Variants in SLC14A2 observed in about 807,000 individuals in gnomAD.
The protein encoded by SLC14A2 is urea transporter 2.
In SLC14A2, 91 loss-of-function variants were observed where a neutral mutation model predicts 104.6. That is an observed-to-expected ratio of 0.87 (90% CI 0.73 to 1.04). The LOEUF (loss-of-function observed/expected upper bound fraction) is 1.04. Ranked by LOEUF, SLC14A2 falls within the 50% of genes least tolerant of loss-of-function variation. SLC14A2 has a pLI of 0.00. For missense variants in SLC14A2, 1,189 were observed against 1,156.0 expected (o/e 1.03, Z -0.41); for synonymous variants, 476 against 466.4 (o/e 1.02, Z -0.27).
At chr18:45,334,619 T>C (rs2085320926) in intron 1 of SLC14A2, among the ~76,000 whole-genome samples, 1 of 152,218 alleles carries the variant, frequency 6.6e-6, no homozygotes, top group Non-Finnish European at 1.5e-5. Context: ...ACATTCTAGA[T>C]GACCCCTCAC....
chr18:45,350,230 G>A (rs1332234290), intron 1 of SLC14A2, among the ~76,000 whole-genome samples: 2 of 152,208 alleles, frequency 1.3e-5, no homozygotes, highest in African/African-American at 4.8e-5. Context: ...TTTCACCAAA[G>A]TGAATAAATG....
At chr18:45,672,815 G>A (rs2046163127) in intron 16 of SLC14A2, 85 bp from the exon 17 acceptor site, 2 of 1,250,272 alleles carry the variant, frequency 1.6e-6, no homozygotes, top group East Asian at 2.4e-5. Flanking sequence ...TTAGTGGGAA[G>A]GGTTCAGTGC....
chr18:45,309,043 T>G (rs1157499858), intron 1 of SLC14A2, among the ~76,000 whole-genome samples: 2 of 152,168 alleles, frequency 1.3e-5, no homozygotes, highest in African/African-American at 4.8e-5. Flanking sequence ...ATCTGACAGG[T>G]AGAGTTCACC....
chr18:45,648,217 T>A (rs1442060499), intron 10 of SLC14A2, among the ~76,000 whole-genome samples: 1 of 95,892 alleles, frequency 1.0e-5, no homozygotes, highest in Admixed American at 1.1e-4. Context: ...TTTTTTTTTT[T>A]TTTTTTGAGA....
At chr18:45,323,395 C>T (rs192303644) in intron 1 of SLC14A2, among the ~76,000 whole-genome samples, 4 of 152,296 alleles carry the variant, frequency 2.6e-5, no homozygotes, top group African/African-American at 9.6e-5. Flanking sequence ...TCTCAGCCAG[C>T]TATATCCTCC....
At chr18:45,396,808 C>T (rs1056877510) in intron 1 of SLC14A2, among the ~76,000 whole-genome samples, 2 of 151,900 alleles carry the variant, frequency 1.3e-5, no homozygotes, top group Non-Finnish European at 2.9e-5. Flanking sequence ...TTTTCTGCTC[C>T]TCCCCTTCCT....
chr18:45,479,575 G>T (rs2087452905), intron 1 of SLC14A2, among the ~76,000 whole-genome samples: 1 of 152,156 alleles, frequency 6.6e-6, no homozygotes, highest in Non-Finnish European at 1.5e-5. Flanking sequence ...CCAAGTTAGA[G>T]TACCTAGCAC....
intron 2 of SLC14A2, among the ~76,000 whole-genome samples, chr18:45,500,174 T>A (rs577636431): frequency 6.6e-6 from 1 of 152,310 alleles, no homozygotes; most frequent in Non-Finnish European, 1.5e-5. Flanking sequence ...GTAGAAATAA[T>A]CACTCCTCCT....
intron 1 of SLC14A2, among the ~76,000 whole-genome samples, chr18:45,340,578 A>C (rs1399095163): frequency 2.0e-5 from 3 of 152,214 alleles, no homozygotes; most frequent in Non-Finnish European, 1.5e-5. Flanking sequence ...TAAGTAATTC[A>C]AGGTATATTT....
At chr18:45,200,701 A>G in the SLC14A2 span, among the ~76,000 whole-genome samples, 1 of 152,150 alleles carries the variant, frequency 6.6e-6, no homozygotes, top group African/African-American at 2.4e-5. Context: ...GTTGAATGCC[A>G]TTGTTTTCAT....
At chr18:45,416,412 C>T (rs944207506) in intron 1 of SLC14A2, among the ~76,000 whole-genome samples, 8 of 152,122 alleles carry the variant, frequency 5.3e-5, no homozygotes, top group African/African-American at 1.2e-4. Flanking sequence ...TTGCACTGTA[C>T]GCTCTTTGGC....
chr18:45,670,434 T>C (rs2046112069), intron 16 of SLC14A2, among the ~76,000 whole-genome samples: 2 of 152,312 alleles, frequency 1.3e-5, no homozygotes, highest in South Asian at 4.1e-4. Context: ...TACTTTCCGT[T>C]ACACGAAACG....
At chr18:45,598,995 A>G (rs1467048994) in intron 2 of SLC14A2, among the ~76,000 whole-genome samples, 1 of 152,228 alleles carries the variant, frequency 6.6e-6, no homozygotes, top group African/African-American at 2.4e-5. Flanking sequence ...GTGCCGGTAT[A>G]TGCAGCCACT....
At chr18:45,313,835 A>G (rs2085102310) in intron 1 of SLC14A2, among the ~76,000 whole-genome samples, 1 of 152,228 alleles carries the variant, frequency 6.6e-6, no homozygotes, top group South Asian at 2.1e-4. Flanking sequence ...GTGTAATCAG[A>G]TATTTCTGTT....
intron 10 of SLC14A2, among the ~76,000 whole-genome samples, chr18:45,648,842 CTCTT>C (rs1467115898): frequency 2.6e-5 from 4 of 151,934 alleles, no homozygotes; most frequent in Non-Finnish European, 5.9e-5. Flanking sequence ...ATGATACTCC[CTCTT>C]TCTTTCTTCC....
chr18:45,456,503 C>T (rs1282208465), intron 1 of SLC14A2, among the ~76,000 whole-genome samples: 1 of 152,236 alleles, frequency 6.6e-6, no homozygotes, highest in Admixed American at 6.5e-5. Context: ...AAGGTGGCTG[C>T]ATGTCTGCAC....
At chr18:45,450,655 C>T (rs1289810568) in intron 1 of SLC14A2, among the ~76,000 whole-genome samples, 1 of 152,174 alleles carries the variant, frequency 6.6e-6, no homozygotes. Flanking sequence ...CCTCTGAATA[C>T]AGAATGCACA....
At chr18:45,452,238 C>G (rs2086869731) in intron 1 of SLC14A2, among the ~76,000 whole-genome samples, 2 of 152,212 alleles carry the variant, frequency 1.3e-5, no homozygotes, top group African/African-American at 4.8e-5. Context: ...CTGCCATTTA[C>G]TAAACAGGAC....
In SLC14A2 at chr18:45,415,777, C is replaced by T. The variant is rs138202345; in HGVS notation, c.-124-67456C>T. Among the ~76,000 whole-genome samples, 171 of 152,198 alleles carry T rather than the reference C, an allele frequency of 1.1e-3. 1 individual carries two copies. Among genetic ancestry groups the T allele is most frequent in the East Asian group, 6.0e-3 (31 of 5,174 alleles). Reference sequence around the variant, plus strand: ...TCAAGGCTGAGAGACCATATCACAGCGATCTTAACATCGAACCACCTGACA... The same window carrying T: ...TCAAGGCTGAGAGACCATATCACAGTGATCTTAACATCGAACCACCTGACA... On this transcript the variant is annotated intron_variant, in intron 1 of 20. Transcript: ENST00000586448.
Sources: allele counts gnomAD v4.1 joint callset (sites outside exome capture counted in the v4.1 genomes callset), GRCh38; gene constraint gnomAD v4.1.1; transcripts MANE v1.5; gene names NCBI Gene and HGNC (gene_info 2026-07-23, HGNC 2026-07-21).